EYS: variants seen among roughly 807,000 people sequenced by gnomAD.
EYS encodes EGF-like photoreceptor maintenance factor.
EYS carries 250 observed loss-of-function variants against 282.1 expected under a neutral mutation model. The observed-to-expected ratio is 0.89, with a 90% confidence interval of 0.80 to 0.98. The LOEUF (loss-of-function observed/expected upper bound fraction) is 0.98. Ranked by LOEUF, EYS falls within the 50% of genes least tolerant of loss-of-function variation. The pLI, the probability that EYS is intolerant of heterozygous loss-of-function variation, is 0.00. For missense variants in EYS, 4,016 were observed against 3,709.0 expected, an observed-to-expected ratio of 1.08 and a Z score of -2.15; for synonymous variants, 1,355 against 1,282.9, an observed-to-expected ratio of 1.06 and a Z score of -1.20.
chr6:63,826,904 A>C (rs893952802), intron 36 of EYS, among the ~76,000 whole-genome samples: 1 of 151,936 alleles, frequency 6.6e-6, no homozygotes, highest in Non-Finnish European at 1.5e-5. Context: ...AACAAAGAGC[A>C]CAATGAAAGC....
chr6:65,430,144 C>T (rs987619385), intron 5 of EYS, among the ~76,000 whole-genome samples: 1 of 152,138 alleles, frequency 6.6e-6, no homozygotes, highest in Admixed American at 6.5e-5. Context: ...CTTCCCCCCT[C>T]TTCAGGGACA....
At position 64,978,454 on chromosome 6, in the gene EYS, C is replaced by T. The variant is rs554239725; in HGVS notation, c.2259+19128G>A. Among the ~76,000 whole-genome samples, 11 of 151,996 alleles carry T rather than the reference C, an allele frequency of 7.2e-5. No homozygotes were observed. The East Asian group carries it at 2.1e-3, about 30-fold the overall frequency. ...ACTGTGCTTTGACAATATAGATGAT[C>T]ATGCAAGAATTCTGATGGGAGATGT... On this transcript the variant is annotated intron_variant, in intron 14 of 42. Transcript: ENST00000503581.
chr6:64,742,432 G>C (rs1365813450), intron 22 of EYS, among the ~76,000 whole-genome samples: 1 of 152,120 alleles, frequency 6.6e-6, no homozygotes, highest in African/African-American at 2.4e-5. Context: ...AACACAAAAT[G>C]AGCACCTACT....
chr6:64,370,570 T>C (rs753205920), intron 29 of EYS, among the ~76,000 whole-genome samples: 7 of 152,092 alleles, frequency 4.6e-5, no homozygotes, highest in Non-Finnish European at 8.8e-5. Flanking sequence ...CTCCTCATTT[T>C]TTCAGAATAG....
At chr6:64,381,781 A>G (rs1772755225) in intron 29 of EYS, among the ~76,000 whole-genome samples, 1 of 152,204 alleles carries the variant, frequency 6.6e-6, no homozygotes, top group Admixed American at 6.6e-5. Context: ...TAGAAAAACT[A>G]TATATGTATT....
At chr6:64,819,147 G>C (rs1243451857) in intron 21 of EYS, among the ~76,000 whole-genome samples, 2 of 152,082 alleles carry the variant, frequency 1.3e-5, no homozygotes, top group African/African-American at 4.8e-5. Context: ...TTGCACCATA[G>C]AGAAAGCTAA....
intron 30 of EYS, among the ~76,000 whole-genome samples, chr6:64,264,956 G>A (rs1490441310): frequency 6.6e-6 from 1 of 152,004 alleles, no homozygotes. Context: ...CATGGATATA[G>A]GAAGAGGTTA....
At chr6:65,310,142 G>A (rs1322783026) in intron 11 of EYS, among the ~76,000 whole-genome samples, 6 of 152,156 alleles carry the variant, frequency 3.9e-5, no homozygotes, top group East Asian at 3.9e-4. Flanking sequence ...TCAGGAGTTC[G>A]AGACCAGGCT....
chr6:65,495,423 G>GTA lies in EYS; in HGVS notation c.-15_-14dup. ...ATTTGTCAGTCATTTTCGGGTAGCT[G>GTA]TATTTTACAGTTTATCATAAAGAAT... On this transcript the variant is annotated 5_prime_UTR_variant, in exon 4 of 43. Coordinates refer to ENST00000503581, the MANE Select transcript of EYS (RefSeq NM_001142800.2). The GTA allele has an allele frequency of 6.2e-7, 1 of 1,605,802 alleles. No individual in the cohort carries two copies. Among genetic ancestry groups the GTA allele is most frequent in the Non-Finnish European group, 8.5e-7 (1 of 1,179,710 alleles).
chr6:64,187,676 C>T (rs1199305083), intron 31 of EYS, among the ~76,000 whole-genome samples: 1 of 151,966 alleles, frequency 6.6e-6, no homozygotes, highest in Non-Finnish European at 1.5e-5. Context: ...CAGCTGTCAG[C>T]TATAATTTTC....
At chr6:63,929,529 A>C (rs1764823530) in intron 35 of EYS, among the ~76,000 whole-genome samples, 1 of 152,208 alleles carries the variant, frequency 6.6e-6, no homozygotes. Context: ...CATTTTGTAC[A>C]AGTAAATTTG....
intron 5 of EYS, 64 bp from the exon 6 acceptor site, chr6:65,405,431 G>C: frequency 7.9e-7 from 1 of 1,271,464 alleles, no homozygotes; most frequent in Non-Finnish European, 1.1e-6. Context: ...AATGAGCATA[G>C]ATATGTAGCA....
intron 12 of EYS, among the ~76,000 whole-genome samples, chr6:65,130,793 C>T (rs1581937533): frequency 7.2e-6 from 1 of 137,966 alleles, no homozygotes; most frequent in East Asian, 2.1e-4. Flanking sequence ...TACCCTGGAA[C>T]TAAAGTTAAA....
intron 12 of EYS, among the ~76,000 whole-genome samples, chr6:65,169,316 T>A (rs1765049355): frequency 6.6e-6 from 1 of 151,472 alleles, no homozygotes; most frequent in African/African-American, 2.4e-5. Context: ...AAATCACACC[T>A]AAGCTGTACA....
chr6:64,618,939 C>T (rs1237052887), intron 23 of EYS, among the ~76,000 whole-genome samples: 1 of 152,130 alleles, frequency 6.6e-6, no homozygotes, highest in Non-Finnish European at 1.5e-5. Context: ...AAACATATTG[C>T]ATAAAAATAC....
rs10640761 is a variant in EYS, at chr6:64,274,481, G to GTTTTTTTTTTTTTTTTTTTT, written c.6191+32469_6191+32488dup. On this transcript the variant is annotated intron_variant, in intron 30 of 42. Transcript: ENST00000503581. Reference sequence around the variant, plus strand: ...CAGGCGCGAGCCACCACGCCTGGCCGTTTTTTTTTTTTTTTTTTTTTTACA... The same window carrying GTTTTTTTTTTTTTTTTTTTT: ...CAGGCGCGAGCCACCACGCCTGGCCGTTTTTTTTTTTTTTTTTTTTTTTTTTTTTTTTTTTTTTTTTTACA... 1.4e-4 allele frequency among the ~76,000 whole-genome samples: 13 copies of GTTTTTTTTTTTTTTTTTTTT among 92,230 alleles called. 1 individual carries two copies. The highest frequency in any genetic ancestry group is 6.1e-4 in the African/African-American group (13 of 21,180). 60.5% of individuals were successfully genotyped at this position (92,230 alleles called of 152,430 possible).
chr6:63,812,484 G>A (rs1463523610), intron 36 of EYS, among the ~76,000 whole-genome samples: 1 of 151,908 alleles, frequency 6.6e-6, no homozygotes, highest in African/African-American at 2.4e-5. Flanking sequence ...TATTTACATG[G>A]CCCAATTCCA....
intron 12 of EYS, among the ~76,000 whole-genome samples, chr6:65,224,102 C>G (rs1766551515): frequency 6.6e-6 from 1 of 152,106 alleles, no homozygotes; most frequent in Admixed American, 6.5e-5. Context: ...CATCCAACAA[C>G]AGCAAAATAC....
intron 31 of EYS, among the ~76,000 whole-genome samples, chr6:64,115,784 G>A (rs1239361062): frequency 1.3e-5 from 2 of 152,082 alleles, no homozygotes; most frequent in Non-Finnish European, 2.9e-5. Context: ...AAAAATCAAA[G>A]AAACATGATA....
Sources: allele counts gnomAD v4.1 joint callset (sites outside exome capture counted in the v4.1 genomes callset), GRCh38; gene constraint gnomAD v4.1.1; transcripts MANE v1.5; gene names NCBI Gene and HGNC (gene_info 2026-07-23, HGNC 2026-07-21).